Variants in AFF3 observed in about 807,000 individuals in gnomAD.
The protein encoded by AFF3 is AF4/FMR2 family member 3.
Under a neutral mutation model 129.7 loss-of-function variants are expected in AFF3, and 32 were observed. That is an observed-to-expected ratio of 0.25 (90% CI 0.19 to 0.33). The LOEUF is 0.33. AFF3 is among the 10% of genes least tolerant of loss of function. AFF3 has a pLI of 1.00. For synonymous variants in AFF3, 644 were observed against 635.4 expected, an observed-to-expected ratio of 1.01 and a Z score of -0.20; for missense variants, 1,373 against 1,592.0, an observed-to-expected ratio of 0.86 and a Z score of 2.34.
intron 1 of AFF3, among the ~76,000 whole-genome samples, chr2:100,138,944 CAAA>C (rs34526914): frequency 1.7e-5 from 2 of 120,288 alleles, no homozygotes; most frequent in South Asian, 3.0e-4. Context: ...GACTCTGTCT[CAAA>C]AAAAAAAAAA....
At chr2:99,971,373 A>T (rs1678360593) in intron 7 of AFF3, among the ~76,000 whole-genome samples, 1 of 152,130 alleles carries the variant, frequency 6.6e-6, no homozygotes, top group Admixed American at 6.5e-5. Context: ...ACCACATCTC[A>T]TCCCATTCCC....
chr2:99,840,502 T>G (rs979347123), intron 7 of AFF3, among the ~76,000 whole-genome samples: 1 of 152,208 alleles, frequency 6.6e-6, no homozygotes, highest in Non-Finnish European at 1.5e-5. Context: ...GAAGACAACA[T>G]GCACTACTTG....
chr2:100,025,296 A>C (rs1017986015), intron 4 of AFF3, among the ~76,000 whole-genome samples: 3 of 152,122 alleles, frequency 2.0e-5, no homozygotes, highest in Non-Finnish European at 4.4e-5. Flanking sequence ...CCTCTTTTAC[A>C]ATAGCTGCAA....
chr2:99,775,921 A>G (rs1683868960), intron 8 of AFF3, among the ~76,000 whole-genome samples: 1 of 152,226 alleles, frequency 6.6e-6, no homozygotes, highest in Non-Finnish European at 1.5e-5. Flanking sequence ...ACAGAAGGAA[A>G]CAAGTCAATA....
At chr2:99,621,262 C>G (rs980559462) in intron 13 of AFF3, among the ~76,000 whole-genome samples, 8 of 152,218 alleles carry the variant, frequency 5.3e-5, no homozygotes, top group African/African-American at 1.7e-4. Flanking sequence ...CTATAACAAG[C>G]TGCCTGGGGT....
intron 7 of AFF3, 61 bp from the exon 8 acceptor site, chr2:99,837,585 A>C (rs1688981586): frequency 1.3e-6 from 2 of 1,514,164 alleles, no homozygotes; most frequent in South Asian, 1.1e-5. Context: ...CACAGAAGAC[A>C]TGCAAGGTTC....
chr2:99,989,446 G>A (rs1395092897), intron 7 of AFF3, among the ~76,000 whole-genome samples: 2 of 152,208 alleles, frequency 1.3e-5, no homozygotes, highest in Non-Finnish European at 2.9e-5. Context: ...CTAGATCTGT[G>A]TTTACCTTAT....
Position 100,104,505 on chromosome 2 carries a change from G to C in AFF3, c.-51C>G, listed in dbSNP as rs752235410. 2 of 1,280,018 alleles carry C rather than the reference G, an allele frequency of 1.6e-6. No individual in the cohort carries two copies. Among genetic ancestry groups the C allele is most frequent in the East Asian group, 5.5e-5 (1 of 18,060 alleles). The allele number at this position is 1,280,018 out of a possible 1,614,324, so 79.3% of individuals were successfully genotyped here. Reference sequence around the variant, plus strand: ...GCCGCTACCGCCGCCGCCGAGGCTCGGGCCGCCCGCGCGCTGCAACGAAAG... The same window carrying C: ...GCCGCTACCGCCGCCGCCGAGGCTCCGGCCGCCCGCGCGCTGCAACGAAAG... On this transcript the variant is annotated 5_prime_UTR_variant, in exon 4 of 25. Transcript: ENST00000672756.
chr2:99,716,016 T>C lies in AFF3; in HGVS notation c.1091+11061A>G, dbSNP rs1678349358. Among the ~76,000 whole-genome samples, 3 of 152,094 alleles carry C rather than the reference T, an allele frequency of 2.0e-5. No homozygotes were observed. In the South Asian group the frequency reaches 6.2e-4, roughly 32 times the overall value. ...TTAAGGCTACAGTTACTTTGTACGA[T>C]TGAGGGTTATCTACAAATGTAGAAG... On this transcript the variant is annotated intron_variant, in intron 11 of 24. Coordinates refer to ENST00000672756, the MANE Select transcript of AFF3 (RefSeq NM_001386135.1).
intron 11 of AFF3, among the ~76,000 whole-genome samples, chr2:99,694,243 G>C (rs1272033687): frequency 6.6e-6 from 1 of 152,202 alleles, no homozygotes; most frequent in Non-Finnish European, 1.5e-5. Flanking sequence ...ATACATTAGA[G>C]ATAGGTGCTT....
At chr2:99,959,382 CAA>C (rs1399304669) in intron 7 of AFF3, among the ~76,000 whole-genome samples, 1 of 127,028 alleles carries the variant, frequency 7.9e-6, no homozygotes, top group Non-Finnish European at 1.7e-5. Context: ...AAGAATAGGA[CAA>C]AGAGTCAGAA....
chr2:99,571,507 T>C (rs1676475318), intron 18 of AFF3, among the ~76,000 whole-genome samples: 1 of 152,198 alleles, frequency 6.6e-6, no homozygotes, highest in African/African-American at 2.4e-5. Context: ...AATCCTGATA[T>C]GGAGGCTGAG....
intron 4 of AFF3, among the ~76,000 whole-genome samples, chr2:100,064,237 G>C (rs1687538865): frequency 2.0e-5 from 3 of 152,256 alleles, no homozygotes; most frequent in Non-Finnish European, 1.5e-5. Context: ...CATATGACCA[G>C]ACCCAGTGAG....
intron 8 of AFF3, among the ~76,000 whole-genome samples, chr2:99,821,557 C>T (rs1207673450): frequency 6.6e-6 from 1 of 152,116 alleles, no homozygotes; most frequent in Non-Finnish European, 1.5e-5. Flanking sequence ...TTTGTTGGGC[C>T]GCATTCAAAG....
At chr2:99,574,932 G>A (rs576576006) in intron 18 of AFF3, among the ~76,000 whole-genome samples, 1 of 152,286 alleles carries the variant, frequency 6.6e-6, no homozygotes, top group East Asian at 1.9e-4. Flanking sequence ...AGGTGACAGG[G>A]CTGAGGTCTT....
chr2:99,856,269 A>G (rs1302239916), intron 7 of AFF3, among the ~76,000 whole-genome samples: 1 of 152,212 alleles, frequency 6.6e-6, no homozygotes, highest in Non-Finnish European at 1.5e-5. Context: ...AGATGTTAAC[A>G]ATATGATTTA....
chr2:99,961,916 A>G (rs1677257603), intron 7 of AFF3, among the ~76,000 whole-genome samples: 1 of 152,082 alleles, frequency 6.6e-6, no homozygotes, highest in Non-Finnish European at 1.5e-5. Context: ...CACTGAAAAA[A>G]CTTGGCCAGA....
In AFF3 at chr2:99,870,968, T is replaced by C. The variant is rs1691829740; in HGVS notation, c.874-33444A>G. On this transcript the variant is annotated intron_variant, in intron 7 of 24. Transcript: ENST00000672756. ...TATTCTCCTCATAGGCATTTTGTAA[T>C]TACAGATTGCACATCCCTAATCTGA... Among the ~76,000 whole-genome samples the C allele has an allele frequency of 2.0e-5, 3 of 152,324 alleles. No homozygotes were observed. The South Asian group carries it at 6.2e-4, about 32-fold the overall frequency.
At chr2:99,589,975 G>A (rs1184363587) in intron 15 of AFF3, among the ~76,000 whole-genome samples, 1 of 152,198 alleles carries the variant, frequency 6.6e-6, no homozygotes, top group Non-Finnish European at 1.5e-5. Context: ...ACTTGGGGAG[G>A]CAAGTGTAGC....
Sources: allele counts gnomAD v4.1 joint callset (sites outside exome capture counted in the v4.1 genomes callset), GRCh38; gene constraint gnomAD v4.1.1; transcripts MANE v1.5; gene names NCBI Gene and HGNC (gene_info 2026-07-23, HGNC 2026-07-21).